TSHR: variants seen among roughly 807,000 people sequenced by gnomAD.
TSHR encodes the protein thyroid stimulating hormone receptor.
In TSHR, 51 loss-of-function variants were observed where a neutral mutation model predicts 64.1. That is an observed-to-expected ratio of 0.80 (90% CI 0.64 to 1.01). The LOEUF is 1.01. Among genes scored for constraint, TSHR ranks in the 50% least tolerant of loss-of-function variants. The pLI, the probability that TSHR is intolerant of heterozygous loss-of-function variation, is 0.00. For missense variants in TSHR, 877 were observed against 942.8 expected, an observed-to-expected ratio of 0.93 and a Z score of 0.91; for synonymous variants, 361 against 361.9, an observed-to-expected ratio of 1.00 and a Z score of 0.03.
At chr14:81,073,025 T>A (rs60099050) in intron 3 of TSHR, among the ~76,000 whole-genome samples, 23,785 of 51,592 alleles carry the variant, frequency 0.46, 8,168 homozygotes, top group Non-Finnish European at 0.67. Context: ...AAAATAAATA[T>A]ATATATATAT....
At position 81,143,645 on chromosome 14, in the gene TSHR, G is replaced by A. The variant is rs1891803085; in HGVS notation, c.1587G>A (p.Leu529=). The A allele has an allele frequency of 6.2e-7, 1 of 1,614,116 alleles. No individual in the cohort carries two copies. The highest frequency in any genetic ancestry group is 8.5e-7 in the Non-Finnish European group (1 of 1,180,042). ...ATGCCATCACCTTCGCCATGCGCCT[G>A]GACCGGAAGATCCGCCTCAGGCACG... The part of the protein sequence containing the change: ...RWYAITFAMR[L]DRKIRLRHAC... Residue 529 remains leucine (L), a synonymous_variant, in exon 10 of 10, where the codon CTG becomes CTA. Transcript: ENST00000298171.
chr14:81,001,748 T>A (rs1889332958), intron 1 of TSHR: 1 of 384,738 alleles, frequency 2.6e-6, no homozygotes, highest in Admixed American at 2.9e-5. Flanking sequence ...TTGAAATTCT[T>A]GATTTGCCTG....
chr14:81,050,140 A>AT (rs1885357288), intron 1 of TSHR: 1 of 152,232 alleles, frequency 6.6e-6, no homozygotes, highest in Non-Finnish European at 1.5e-5. Flanking sequence ...GGGAAACAGA[A>AT]TAACACCCTA....
In TSHR at chr14:80,955,768, G is replaced by A; in HGVS notation, c.88G>A (p.Glu30Lys). Residue 30 changes from glutamate to lysine, a missense_variant, in exon 1 of 10, where the codon GAG (glutamate) becomes AAG (lysine). Transcript: ENST00000298171. ...GGMGCSSPPC[E>K]CHQEEDFRVT... ...AATGGGGTGTTCGTCTCCACCCTGC[G>A]AGTGCCATCAGGAGGAGGACTTCAG... 4 of 1,614,182 alleles carry A rather than the reference G, an allele frequency of 2.5e-6. 1 individual carries two copies. The South Asian group carries it at 4.4e-5, about 18-fold the overall frequency.
intron 3 of TSHR, among the ~76,000 whole-genome samples, chr14:81,083,778 G>C (rs1206465356): frequency 6.6e-6 from 1 of 152,156 alleles, no homozygotes; most frequent in Non-Finnish European, 1.5e-5. Flanking sequence ...ATTTATAAAG[G>C]AAAGAGGTTT....
At chr14:80,982,160 G>T in intron 1 of TSHR, 1 of 582,980 alleles carries the variant, frequency 1.7e-6, no homozygotes, top group Non-Finnish European at 3.2e-6. Flanking sequence ...TGGCAGAGAT[G>T]AAGGCAGTGT....
At chr14:81,031,692 C>G (rs1230790520) in intron 1 of TSHR, among the ~76,000 whole-genome samples, 3 of 152,182 alleles carry the variant, frequency 2.0e-5, no homozygotes, top group African/African-American at 7.2e-5. Context: ...TTGCATGAAC[C>G]AGCCTGGCAC....
Position 81,083,800 on chromosome 14 carries a change from G to A in TSHR, c.318-4154G>A, listed in dbSNP as rs115535756. Among the ~76,000 whole-genome samples, 1,314 of 152,284 alleles carry A rather than the reference G, an allele frequency of 8.6e-3. 18 individuals are homozygous for A. The highest frequency in any genetic ancestry group is 0.028 in the African/African-American group (1,173 of 41,564). On this transcript the variant is annotated intron_variant, in intron 3 of 9. Coordinates refer to ENST00000298171, the MANE Select transcript of TSHR (RefSeq NM_000369.5). ...AAGGAAAGAGGTTTCATTGACTCAC[G>A]GTTCTGCATGGCTGGGGAGGCCTCA...
chr14:81,020,226 G>A (rs1883671067), intron 1 of TSHR, among the ~76,000 whole-genome samples: 1 of 152,206 alleles, frequency 6.6e-6, no homozygotes, highest in Admixed American at 6.5e-5. Flanking sequence ...GCTAGAAATA[G>A]CCAAAATGTT....
At chr14:80,963,391 C>G (rs532170300) in intron 1 of TSHR, among the ~76,000 whole-genome samples, 107 of 152,334 alleles carry the variant, frequency 7.0e-4, no homozygotes, top group Non-Finnish European at 1.3e-3. Flanking sequence ...CCTCCTCTTA[C>G]ACCTGTAAGG....
At chr14:81,067,752 C>T (rs970123732) in intron 2 of TSHR, among the ~76,000 whole-genome samples, 1 of 147,158 alleles carries the variant, frequency 6.8e-6, no homozygotes, top group Non-Finnish European at 1.5e-5. Context: ...GGAAGAGTTC[C>T]TCAAAATAGC....
At chr14:81,024,754 T>A (rs1883960319) in intron 1 of TSHR, among the ~76,000 whole-genome samples, 1 of 152,188 alleles carries the variant, frequency 6.6e-6, no homozygotes, top group Non-Finnish European at 1.5e-5. Flanking sequence ...GCTGCAGACC[T>A]CCATCTATGG....
intron 8 of TSHR, among the ~76,000 whole-genome samples, chr14:81,125,453 T>C (rs1206955996): frequency 2.0e-5 from 3 of 152,116 alleles, no homozygotes; most frequent in African/African-American, 7.2e-5. Context: ...AGATTAAAGT[T>C]TGTGGCCCTC....
At chr14:80,984,692 A>T (rs1888347945) in intron 1 of TSHR, among the ~76,000 whole-genome samples, 1 of 152,144 alleles carries the variant, frequency 6.6e-6, no homozygotes, top group Admixed American at 6.5e-5. Flanking sequence ...AACTTCCTCC[A>T]CATGCATGTG....
intron 8 of TSHR, among the ~76,000 whole-genome samples, chr14:81,119,746 A>G (rs915098201): frequency 8.2e-6 from 1 of 121,684 alleles, no homozygotes; most frequent in Non-Finnish European, 1.6e-5. Context: ...TTATTGCGGC[A>G]CTATTCACAA....
In TSHR at chr14:81,144,174, T is replaced by TCAGGA. The variant is rs1891837755; in HGVS notation, c.2116_2117insCAGGA (p.Tyr706SerfsTer25). On this transcript the variant is annotated frameshift_variant, in exon 10 of 10. Transcript: ENST00000298171. LOFTEE classifies it high-confidence loss of function. ...CATCTGTAAACGCCAGGCTCAGGCATACCGGGGGCAGAGGGTTCCTCCAAA... is the reference window on the plus strand; with the variant it reads ...CATCTGTAAACGCCAGGCTCAGGCATCAGGAACCGGGGGCAGAGGGTTCCTCCAAA... 3.7e-6 allele frequency: 6 copies of TCAGGA among 1,613,914 alleles called. No homozygotes were observed. The highest frequency in any genetic ancestry group is 5.1e-6 in the Non-Finnish European group (6 of 1,179,932).
intron 1 of TSHR, among the ~76,000 whole-genome samples, chr14:80,970,363 G>A (rs2139700987): frequency 6.6e-6 from 1 of 152,304 alleles, no homozygotes; most frequent in South Asian, 2.1e-4. Flanking sequence ...TTCACAATGG[G>A]CAGCTGTAGT....
chr14:81,065,125 A>G (rs113307847), intron 2 of TSHR, among the ~76,000 whole-genome samples: 2,053 of 152,172 alleles, frequency 0.013, 59 homozygotes, highest in African/African-American at 0.046. Context: ...CTCCTAGTCC[A>G]CTTCCCGCCT....
At chr14:81,014,565 G>A (rs1890084737) in intron 1 of TSHR, among the ~76,000 whole-genome samples, 1 of 152,126 alleles carries the variant, frequency 6.6e-6, no homozygotes, top group East Asian at 1.9e-4. Flanking sequence ...AACCCTGAGA[G>A]TTTGATTGAA....
Sources: gnomAD v4.1 joint callset for allele counts (sites outside exome capture counted in the v4.1 genomes callset) on GRCh38, gnomAD v4.1.1 for gene constraint, MANE v1.5 for transcripts, NCBI Gene and HGNC (gene_info 2026-07-23, HGNC 2026-07-21) for gene names.